The following MATR3 variants were observed in gnomAD, a reference collection of about 807,000 sequenced individuals.
The protein encoded by MATR3 is matrin 3, also known as matrin-3.
Under a neutral mutation model 85.5 loss-of-function variants are expected in MATR3, and 4 were observed. The ratio of observed to expected loss-of-function variants is 0.05; its 90% CI spans 0.02 to 0.11. MATR3 has a LOEUF of 0.11. Ranked by LOEUF, MATR3 falls within the 10% of genes least tolerant of loss-of-function variation. The pLI is 1.00. For missense variants in MATR3, 685 were observed against 1,016.1 expected (o/e 0.67, Z 4.43); for synonymous variants, 336 against 343.1 (o/e 0.98, Z 0.23).
Position 139,330,077 on chromosome 5 carries a change from A to G in MATR3, c.*682A>G, listed in dbSNP as rs771371309. 1 of 454,374 alleles carries G rather than the reference A, an allele frequency of 2.2e-6. No homozygotes were observed. Among genetic ancestry groups the G allele is most frequent in the African/African-American group, 2.0e-5 (1 of 49,988 alleles). 28.1% of individuals were successfully genotyped at this position (454,374 alleles called of 1,614,324 possible). On this transcript the variant is annotated 3_prime_UTR_variant, in exon 15 of 15. Coordinates refer to ENST00000394805, the MANE Select transcript of MATR3 (RefSeq NM_018834.6). Reference sequence around the variant, plus strand: ...TGCAAAAATATTCCCGTTATCTTTGACCAGTATTAATTTTTGAGATCTTAC... The same window carrying G: ...TGCAAAAATATTCCCGTTATCTTTGGCCAGTATTAATTTTTGAGATCTTAC...
At chr5:139,325,176 G>C (rs184968488) in intron 12 of MATR3, 1 of 1,387,246 alleles carries the variant, frequency 7.2e-7, no homozygotes, top group East Asian at 2.5e-5. Context: ...CTGGTCGACA[G>C]AGCAAGACTC....
In MATR3 at chr5:139,320,307, C is replaced by CA. The variant is rs542669499; in HGVS notation, c.1602+817dup. Among the ~76,000 whole-genome samples the CA allele has an allele frequency of 8.4e-3, 1,226 of 146,804 alleles. 8 individuals carry two copies. The highest frequency in any genetic ancestry group is 0.022 in the African/African-American group (896 of 40,148). On this transcript the variant is annotated intron_variant, in intron 9 of 14. Coordinates refer to ENST00000394805, the MANE Select transcript of MATR3 (RefSeq NM_018834.6). ...TGGGTGACAGAGCAAGACTCCATCT[C>CA]AAAAAAAAAAATTTAGAGTTAGGCT... is the stretch of plus-strand genomic sequence containing the variant.
At chr5:139,327,523 G>A (rs1296871990) in intron 14 of MATR3, among the ~76,000 whole-genome samples, 1 of 152,154 alleles carries the variant, frequency 6.6e-6, no homozygotes. Context: ...CCAGGTTCAA[G>A]CCATTCTCTT....
In MATR3 at chr5:139,329,669, A is replaced by T; in HGVS notation, c.*274A>T. The T allele has an allele frequency of 4.1e-6, 2 of 491,566 alleles. No homozygotes were observed. The highest frequency in any genetic ancestry group is 7.9e-6 in the Non-Finnish European group (2 of 252,408). 30.5% of individuals were successfully genotyped at this position (491,566 alleles called of 1,614,324 possible). A position where few individuals can be genotyped will look rare whatever the true frequency, so the allele number is the denominator to read the frequency against. On this transcript the variant is annotated 3_prime_UTR_variant, in exon 15 of 15. Coordinates refer to ENST00000394805, the MANE Select transcript of MATR3 (RefSeq NM_018834.6). ...TCCTAAGCTACTTAAGACAACTTGC[A>T]CCACTAAGAAAAAAATGTAGAACCA...
rs2152009933 is a variant in MATR3 at position 139,322,666 on chromosome 5, A to G, written c.1847A>G (p.Gln616Arg). 6.2e-7 allele frequency: 1 copy of G among 1,614,216 alleles called. No homozygotes were observed. The highest frequency in any genetic ancestry group is 1.7e-5 in the Admixed American group (1 of 60,022). ...SDKKSKTDGS[Q>R]KTESSTEGKE... is the part of the protein sequence containing the mutation. The stretch of plus-strand genomic sequence containing the variant: ...AAGAAATCCAAAACTGATGGTTCCC[A>G]GAAGACTGAGAGTTCAACCGAAGGT... Residue 616 changes from glutamine to arginine, a missense_variant, in exon 12 of 15, where the codon CAG becomes CGG. Gln to Arg is a conservative substitution (Grantham distance 43). This residue lies in a region of MATR3 where 215 missense variants were observed against 194.7 expected (regional missense o/e 1.10). Coordinates refer to ENST00000394805, the MANE Select transcript of MATR3 (RefSeq NM_018834.6).
intron 6 of MATR3, among the ~76,000 whole-genome samples, 168 bp from the exon 7 acceptor site, chr5:139,317,428 T>C (rs1223951547): frequency 6.6e-6 from 1 of 152,228 alleles, no homozygotes; most frequent in Non-Finnish European, 1.5e-5. Flanking sequence ...CAGAAAGAAC[T>C]TACCCAGTGA....
In MATR3 at chr5:139,307,374, T is replaced by C. The variant is rs192397681; in HGVS notation, c.-42T>C. The C allele has an allele frequency of 2.1e-6, 3 of 1,445,142 alleles. No individual in the cohort carries two copies. Among genetic ancestry groups the C allele is most frequent in the Non-Finnish European group, 2.8e-6 (3 of 1,059,748 alleles). 89.5% of individuals were successfully genotyped at this position (1,445,142 alleles called of 1,614,324 possible). Reference sequence around the variant, plus strand: ...TCTTTTTGGCCGTCTTTAAAAAAATTTTTTTTTTTAATCTATAAAATAGAC... The same window carrying C: ...TCTTTTTGGCCGTCTTTAAAAAAATCTTTTTTTTTAATCTATAAAATAGAC... On this transcript the variant is annotated 5_prime_UTR_variant, in exon 2 of 15. Coordinates refer to ENST00000394805, the MANE Select transcript of MATR3 (RefSeq NM_018834.6). This position sits in a 1 kb window ranked among gnomAD's most constrained non-coding sequence, Gnocchi z 4.4.
chr5:139,307,912 C>T lies in MATR3; in HGVS notation c.497C>T (p.Thr166Ile). The stretch of plus-strand genomic sequence containing the variant: ...TATGGTAGAGATGGCAGATCTGCTA[C>T]ACGGGAGCCACCATACAGAGTACCT... ...LSYGRDGRSA[T>I]REPPYRVPRD... Residue 166 changes from threonine (T) to isoleucine (I), a missense_variant, in exon 2 of 15, where the codon ACA becomes ATA. Thr to Ile is a moderately conservative substitution (Grantham distance 89). This residue lies in a region of MATR3 where 223 missense variants were observed against 334.4 expected (regional missense o/e 0.67). Coordinates refer to ENST00000394805, the MANE Select transcript of MATR3 (RefSeq NM_018834.6). The surrounding 1 kb of genome is among the most constrained non-coding windows in gnomAD (Gnocchi z 4.4). 6.2e-7 allele frequency: 1 copy of T among 1,614,032 alleles called. No individual in the cohort carries two copies. The highest frequency in any genetic ancestry group is 8.5e-7 in the Non-Finnish European group (1 of 1,180,016).
At chr5:139,298,212 A>T (rs535693236) in intron 1 of MATR3, among the ~76,000 whole-genome samples, 1 of 152,302 alleles carries the variant, frequency 6.6e-6, no homozygotes, top group Non-Finnish European at 1.5e-5. Flanking sequence ...CATATGTGAA[A>T]ATTAAAAGTC....
At chr5:139,325,067 C>CCT (rs1755776863) in intron 12 of MATR3, among the ~76,000 whole-genome samples, 1 of 152,036 alleles carries the variant, frequency 6.6e-6, no homozygotes, top group Admixed American at 6.6e-5. Context: ...GTGGCGTGCG[C>CCT]CTGTAGTCCC....
intron 1 of MATR3, among the ~76,000 whole-genome samples, chr5:139,305,871 C>T (rs959667633): frequency 1.3e-5 from 2 of 152,094 alleles, no homozygotes; most frequent in African/African-American, 4.8e-5. Flanking sequence ...TTGCCTGCAA[C>T]TTTTTTTATA....
At position 139,315,644 on chromosome 5, in the gene MATR3, T is replaced by C. The variant is rs1581245392; in HGVS notation, c.975-53T>C. The C allele has an allele frequency of 4.0e-6, 5 of 1,247,800 alleles. No homozygotes were observed. The African/African-American group carries it at 5.9e-5, about 15-fold the overall frequency. The allele number at this position is 1,247,800 out of a possible 1,614,324, so 77.3% of individuals were successfully genotyped here. On this transcript the variant is annotated intron_variant, in intron 3 of 14. Transcript: ENST00000394805. ...CTATTTTAGAGGCCAAACAAGGCTG[T>C]TTTGTGAAAAGGACAGTTTTATTTT... is the stretch of plus-strand genomic sequence containing the variant.
At chr5:139,300,207 T>C (rs554279720) in intron 1 of MATR3, among the ~76,000 whole-genome samples, 158 of 152,102 alleles carry the variant, frequency 1.0e-3, no homozygotes, top group Admixed American at 1.9e-3. Context: ...TACTAAAAAA[T>C]ACAGAAAATT....
chr5:139,299,473 T>A (rs1021501270), intron 1 of MATR3, among the ~76,000 whole-genome samples: 6 of 152,114 alleles, frequency 3.9e-5, no homozygotes, highest in African/African-American at 1.4e-4. Flanking sequence ...CAGGAGTTCA[T>A]GACCAGCTCA....
chr5:139,314,872 T>C, intron 3 of MATR3, 136 bp downstream of exon 3: 1 of 744,676 alleles, frequency 1.3e-6, no homozygotes, highest in East Asian at 2.8e-5. Flanking sequence ...GACAATACTA[T>C]TTACAAGTAA....
At chr5:139,295,831 T>C (rs1268074470) in intron 1 of MATR3, among the ~76,000 whole-genome samples, 2 of 152,166 alleles carry the variant, frequency 1.3e-5, no homozygotes, top group Non-Finnish European at 2.9e-5. Flanking sequence ...ATCTTTTTTT[T>C]CTCTGAAACA....
At chr5:139,325,796 A>T in intron 13 of MATR3, 134 bp downstream of exon 13, 1 of 761,184 alleles carries the variant, frequency 1.3e-6, no homozygotes, top group Non-Finnish European at 2.2e-6. Context: ...TCTATGGGGA[A>T]CAATTTATAA....
At chr5:139,301,095 A>T (rs941045887) in intron 1 of MATR3, among the ~76,000 whole-genome samples, 1 of 152,066 alleles carries the variant, frequency 6.6e-6, no homozygotes, top group Non-Finnish European at 1.5e-5. Context: ...GATTACAGCC[A>T]TGAGCCACTG....
chr5:139,283,057 A>G (rs1391440176), intron 3 of MATR3: 1 of 152,290 alleles, frequency 6.6e-6, no homozygotes, highest in Non-Finnish European at 1.5e-5. Flanking sequence ...TCTGTCATGT[A>G]GAGAATAGTG....
Sources: gnomAD v4.1 joint callset for allele counts (sites outside exome capture counted in the v4.1 genomes callset) on GRCh38, gnomAD v4.1.1 for gene constraint, gnomAD v4.1.1 regional missense constraint, Gnocchi (gnomAD v3.1) non-coding constraint, MANE v1.5 for transcripts, NCBI Gene and HGNC (gene_info 2026-07-23, HGNC 2026-07-21) for gene names.